The following ELOVL2 variants were observed in gnomAD, a reference collection of about 807,000 sequenced individuals.
The protein encoded by ELOVL2 is very long chain fatty acid elongase 2.
Under a neutral mutation model 37.7 loss-of-function variants are expected in ELOVL2, and 38 were observed. The ratio of observed to expected loss-of-function variants is 1.01; its 90% CI spans 0.78 to 1.32. The LOEUF (loss-of-function observed/expected upper bound fraction) is 1.32. Ranked by LOEUF, ELOVL2 falls within the 40% of genes most tolerant of loss-of-function variation. The probability of loss-of-function intolerance (pLI) is 0.00; values close to 1 mark genes in which losing one functional copy is unlikely to be tolerated. For synonymous variants in ELOVL2, 115 were observed against 122.3 expected, an observed-to-expected ratio of 0.94 and a Z score of 0.40; for missense variants, 352 against 363.6, an observed-to-expected ratio of 0.97 and a Z score of 0.26.
chr6:11,024,094 G>T (rs1045274055), intron 1 of ELOVL2, among the ~76,000 whole-genome samples: 1 of 152,134 alleles, frequency 6.6e-6, no homozygotes, highest in Non-Finnish European at 1.5e-5. Flanking sequence ...ATGGAGGGAG[G>T]GAAGAAAGAG....
chr6:11,010,722 T>TA (rs1390536374), intron 2 of ELOVL2, 24 bp downstream of exon 2: 2 of 1,591,680 alleles, frequency 1.3e-6, no homozygotes, highest in Non-Finnish European at 1.7e-6. Flanking sequence ...CCTTCCACAT[T>TA]AAGTTCTCAA....
At chr6:11,013,683 A>G (rs1484919232) in intron 1 of ELOVL2, among the ~76,000 whole-genome samples, 2 of 152,174 alleles carry the variant, frequency 1.3e-5, no homozygotes, top group Non-Finnish European at 2.9e-5. Context: ...AGGAGGACAC[A>G]CAGAACTGCC....
intron 2 of ELOVL2, 131 bp downstream of exon 2, chr6:11,010,615 G>A: frequency 2.7e-6 from 2 of 745,806 alleles, no homozygotes; most frequent in Middle Eastern, 2.8e-4. Context: ...TCAAAGTTGA[G>A]GAAGTTAAGT....
intron 1 of ELOVL2, among the ~76,000 whole-genome samples, chr6:11,033,903 A>T (rs1782972132): frequency 6.6e-6 from 1 of 152,218 alleles, no homozygotes; most frequent in Non-Finnish European, 1.5e-5. Context: ...AAAAGTTAGG[A>T]TTGTAAAGAT....
chr6:10,982,808 A>C lies in ELOVL2; in HGVS notation c.*973T>G, dbSNP rs1781963586. ...AACAGGTATCTGAGGTAATATTCAC[A>C]AGTAGGCTCACAAAAAAGAGTTGAC... is the stretch of plus-strand genomic sequence containing the variant. On this transcript the variant is annotated 3_prime_UTR_variant, in exon 8 of 8. Coordinates refer to ENST00000354666, the MANE Select transcript of ELOVL2 (RefSeq NM_017770.4). 1 of 152,264 alleles carries C rather than the reference A, an allele frequency of 6.6e-6. No homozygotes were observed. The highest frequency in any genetic ancestry group is 2.1e-4 in the South Asian group (1 of 4,838). 9.4% of individuals were successfully genotyped at this position (152,264 alleles called of 1,614,324 possible).
At chr6:10,984,067 G>C (rs1006044516) in intron 7 of ELOVL2, among the ~76,000 whole-genome samples, 161 bp from the exon 8 acceptor site, 4 of 152,136 alleles carry the variant, frequency 2.6e-5, no homozygotes, top group Non-Finnish European at 4.4e-5. Context: ...ACCCAGGCTG[G>C]AGTGCAATGG....
intron 4 of ELOVL2, 117 bp from the exon 5 acceptor site, chr6:10,995,295 T>G (rs1782245742): frequency 2.6e-6 from 2 of 766,952 alleles, no homozygotes; most frequent in African/African-American, 3.5e-5. Flanking sequence ...TTCTCACTGC[T>G]GAAAAGGCAG....
chr6:11,040,940 A>C (rs1783090475), intron 1 of ELOVL2, among the ~76,000 whole-genome samples: 1 of 152,226 alleles, frequency 6.6e-6, no homozygotes, highest in Non-Finnish European at 1.5e-5. Flanking sequence ...TTTCAGAACA[A>C]GTTATGCTCT....
In ELOVL2 at chr6:11,044,255, G is replaced by A; in HGVS notation, c.-25C>T. The A allele has an allele frequency of 7.5e-7, 1 of 1,334,420 alleles. No homozygotes were observed. The highest frequency in any genetic ancestry group is 9.6e-7 in the Non-Finnish European group (1 of 1,044,820). The allele number at this position is 1,334,420 out of a possible 1,614,324, so 82.7% of individuals were successfully genotyped here. ...TGATCCGCAGCGGCTGTGGCGCGGC[G>A]ACCCGGGCGGGCGGCGATGCGCTGT... On this transcript the variant is annotated 5_prime_UTR_variant, in exon 1 of 8. Transcript: ENST00000354666. The surrounding 1 kb of genome is among the most constrained non-coding windows in gnomAD (Gnocchi z 5.6).
At chr6:10,986,720 G>A (rs1262671289) in intron 7 of ELOVL2, among the ~76,000 whole-genome samples, 1 of 152,120 alleles carries the variant, frequency 6.6e-6, no homozygotes, top group African/African-American at 2.4e-5. Context: ...TGGTGGATAA[G>A]CTTTTTGATG....
At chr6:11,005,629 T>C (rs1031549891) in intron 2 of ELOVL2, 70 bp from the exon 3 acceptor site, 2 of 1,321,738 alleles carry the variant, frequency 1.5e-6, no homozygotes, top group African/African-American at 1.5e-5. Context: ...TATTGTCACA[T>C]ACATTGCATT....
chr6:10,997,224 G>A (rs1782286170), intron 4 of ELOVL2, among the ~76,000 whole-genome samples: 1 of 152,186 alleles, frequency 6.6e-6, no homozygotes, highest in Non-Finnish European at 1.5e-5. Flanking sequence ...CACCATTTTG[G>A]GGGGCAGGGG....
At chr6:11,037,857 T>C (rs1783038690) in intron 1 of ELOVL2, among the ~76,000 whole-genome samples, 1 of 152,256 alleles carries the variant, frequency 6.6e-6, no homozygotes, top group South Asian at 2.1e-4. Context: ...AGACTTTATA[T>C]ATTTAATATG....
intron 3 of ELOVL2, among the ~76,000 whole-genome samples, chr6:11,002,283 G>C (rs899534452): frequency 2.0e-4 from 30 of 152,194 alleles, no homozygotes; most frequent in African/African-American, 6.8e-4. Flanking sequence ...CAGGGCAAAG[G>C]TTGTGTTCTA....
At chr6:11,036,791 T>A (rs568953262) in intron 1 of ELOVL2, among the ~76,000 whole-genome samples, 1 of 152,328 alleles carries the variant, frequency 6.6e-6, no homozygotes, top group East Asian at 1.9e-4. Context: ...GCATAGACCT[T>A]CCAGAGACAA....
chr6:10,986,045 C>T (rs1269681273), intron 7 of ELOVL2, among the ~76,000 whole-genome samples: 2 of 152,128 alleles, frequency 1.3e-5, no homozygotes, highest in Non-Finnish European at 2.9e-5. Flanking sequence ...TTGTAGTTCT[C>T]CTTGAAGAGG....
At chr6:10,992,795 C>CAAAAA (rs1782187962) in intron 5 of ELOVL2, among the ~76,000 whole-genome samples, 3 of 115,470 alleles carry the variant, frequency 2.6e-5, no homozygotes, top group South Asian at 2.8e-4. Flanking sequence ...TCAAAAAAAA[C>CAAAAA]AAAACAAAAA....
intron 7 of ELOVL2, among the ~76,000 whole-genome samples, chr6:10,989,044 G>C (rs543409420): frequency 6.6e-6 from 1 of 152,230 alleles, no homozygotes; most frequent in African/African-American, 2.4e-5. Context: ...ACATTTCCTG[G>C]ATCTGTCTTA....
Position 10,984,009 on chromosome 6 carries a change from C to T in ELOVL2, c.766-103G>A, listed in dbSNP as rs763911428. On this transcript the variant is annotated intron_variant, in intron 7 of 7. Coordinates refer to ENST00000354666, the MANE Select transcript of ELOVL2 (RefSeq NM_017770.4). The stretch of plus-strand genomic sequence containing the variant: ...TAAAACAGTATGTGATTTTGTTGGG[C>T]GCAGGATTTTCTGTTTTTGTCTTTT... 1.3e-4 allele frequency: 151 copies of T among 1,122,720 alleles called. 1 individual carries two copies. The highest frequency in any genetic ancestry group is 7.5e-4 in the South Asian group (42 of 56,070). 69.5% of individuals were successfully genotyped at this position (1,122,720 alleles called of 1,614,324 possible).
Sources: allele counts gnomAD v4.1 joint callset (sites outside exome capture counted in the v4.1 genomes callset), GRCh38; gene constraint gnomAD v4.1.1; non-coding constraint Gnocchi (gnomAD v3.1); transcripts MANE v1.5; gene names NCBI Gene and HGNC (gene_info 2026-07-23, HGNC 2026-07-21).